The following ZNF280C variants were observed in gnomAD, a reference collection of about 807,000 sequenced individuals.
ZNF280C encodes zinc finger protein 280C.
A neutral mutation model predicts 53.6 loss-of-function variants in ZNF280C; 14 were observed. That is an observed-to-expected ratio of 0.26 (90% CI 0.17 to 0.41). The LOEUF (loss-of-function observed/expected upper bound fraction) is 0.41, where lower values mean the gene tolerates loss of function less well. Ranked by LOEUF, ZNF280C falls within the 10% of genes least tolerant of loss-of-function variation. The pLI, the probability that ZNF280C is intolerant of heterozygous loss-of-function variation, is 1.00. For synonymous variants in ZNF280C, 203 were observed against 181.1 expected, an observed-to-expected ratio of 1.12 and a Z score of -0.97; for missense variants, 416 against 547.1, an observed-to-expected ratio of 0.76 and a Z score of 2.39.
intron 2 of ZNF280C, among the ~76,000 whole-genome samples, chrX:130,254,976 T>G (rs1311051298): frequency 9.3e-6 from 1 of 107,638 alleles, no homozygotes; most frequent in Admixed American, 1.0e-4. Flanking sequence ...AATAAACATC[T>G]TTAGACAGAT....
chrX:130,210,837 T>C (rs757282714), intron 15 of ZNF280C, among the ~76,000 whole-genome samples: 20 of 112,507 alleles, frequency 1.8e-4, no homozygotes, highest in African/African-American at 6.1e-4. Context: ...CCTAGCACAG[T>C]ATTACTCAAA....
chrX:130,255,131 CTTTT>C (rs1165356811), intron 2 of ZNF280C, among the ~76,000 whole-genome samples: 5 of 99,367 alleles, frequency 5.0e-5, no homozygotes, highest in South Asian at 4.5e-4. Context: ...AAATCATTTT[CTTTT>C]TTTTTCTTTT....
At chrX:130,256,835 G>C (rs1042215976) in intron 2 of ZNF280C, among the ~76,000 whole-genome samples, 20 of 108,862 alleles carry the variant, frequency 1.8e-4, no homozygotes, top group Middle Eastern at 4.9e-3. Context: ...GGAGGTAAAG[G>C]TGCAGTGAGT....
chrX:130,220,615 G>T, intron 12 of ZNF280C, 135 bp from the exon 13 acceptor site: 1 of 568,672 alleles, frequency 1.8e-6, no homozygotes, highest in Non-Finnish European at 2.6e-6. Flanking sequence ...AATTCAAAGT[G>T]ATCTATTATT....
At chrX:130,223,585 A>G (rs1441841949) in intron 12 of ZNF280C, among the ~76,000 whole-genome samples, 2 of 112,156 alleles carry the variant, frequency 1.8e-5, no homozygotes, top group African/African-American at 6.5e-5. Flanking sequence ...GTGAAGATTA[A>G]ACAAGATAAT....
At chrX:130,256,824 G>A (rs947510315) in intron 2 of ZNF280C, among the ~76,000 whole-genome samples, 16 of 110,053 alleles carry the variant, frequency 1.5e-4, no homozygotes, top group African/African-American at 3.6e-4. Context: ...GCTGGAACCC[G>A]GGAGGTAAAG....
At chrX:130,262,024 C>T (rs772015280) in intron 1 of ZNF280C, among the ~76,000 whole-genome samples, 2 of 111,518 alleles carry the variant, frequency 1.8e-5, no homozygotes, top group South Asian at 3.7e-4. Flanking sequence ...ATTGGCATAA[C>T]CATCCTAAAA....
chrX:130,260,387 C>T (rs2032618868), intron 2 of ZNF280C, 32 bp downstream of exon 2: 2 of 1,169,967 alleles, frequency 1.7e-6, no homozygotes, highest in East Asian at 3.1e-5. Context: ...AAAACCATGC[C>T]TATTAGTATC....
chrX:130,203,971 T>TA lies in ZNF280C; in HGVS notation c.*1005dup, dbSNP rs2031943338. ...TACCAAAATAAAACAAAATAAAATG[T>TA]AAAAAATGTTTAAAAATGAGAATAT... On this transcript the variant is annotated 3_prime_UTR_variant, in exon 19 of 19. Coordinates refer to ENST00000370978, the MANE Select transcript of ZNF280C (RefSeq NM_017666.5). The TA allele has an allele frequency of 9.1e-6, 1 of 109,877 alleles. No homozygotes were observed. The highest frequency in any genetic ancestry group is 9.8e-5 in the Admixed American group (1 of 10,199). The allele number at this position is 109,877 out of a possible 1,213,427, so 9.1% of individuals were successfully genotyped here.
At chrX:130,250,624 T>C (rs183052487) in intron 2 of ZNF280C, among the ~76,000 whole-genome samples, 64 of 111,600 alleles carry the variant, frequency 5.7e-4, no homozygotes, top group African/African-American at 1.8e-3. Context: ...AGCTCTGAAA[T>C]TGAACCAGTA....
chrX:130,204,510 C>G lies in ZNF280C; in HGVS notation c.*467G>C, dbSNP rs1164114424. On this transcript the variant is annotated 3_prime_UTR_variant, in exon 19 of 19. Transcript: ENST00000370978. The stretch of plus-strand genomic sequence containing the variant: ...AAAAGGGGACACTGTCCAGGAGTAC[C>G]CTGGATATTTTTTGAAACTTATGTG... 1 of 113,955 alleles carries G rather than the reference C, an allele frequency of 8.8e-6. No homozygotes were observed. Among genetic ancestry groups the G allele is most frequent in the Admixed American group, 9.5e-5 (1 of 10,542 alleles). 9.4% of individuals were successfully genotyped at this position (113,955 alleles called of 1,213,427 possible).
chrX:130,208,027 T>C (rs671415), intron 16 of ZNF280C, among the ~76,000 whole-genome samples: 55,873 of 111,040 alleles, frequency 0.5, 10,851 homozygotes, highest in African/African-American at 0.72. Context: ...GTATTATACA[T>C]GATAGGTACA....
chrX:130,230,659 T>C lies in ZNF280C; in HGVS notation c.840A>G (p.Glu280=), dbSNP rs1344918032. Residue 280 remains glutamate, a synonymous_variant, in exon 9 of 19, where the codon GAA becomes GAG. Coordinates refer to ENST00000370978, the MANE Select transcript of ZNF280C (RefSeq NM_017666.5). ...VIVKSERPCD[E]DKTDSETGKL... ...TTCCTGTCTCTGAATCAGTCTTGTC[T>C]TCATCACATGGACGTTCTGATTTAA... 8.3e-7 allele frequency: 1 copy of C among 1,209,601 alleles called. No individual in the cohort carries two copies.
At chrX:130,241,879 T>C (rs946946498) in intron 5 of ZNF280C, among the ~76,000 whole-genome samples, 1 of 111,229 alleles carries the variant, frequency 9.0e-6, no homozygotes, top group African/African-American at 3.3e-5. Flanking sequence ...CTGTGTGTCC[T>C]TGAGTGAATC....
intron 16 of ZNF280C, among the ~76,000 whole-genome samples, chrX:130,207,658 G>A (rs982931039): frequency 2.7e-5 from 3 of 111,481 alleles, no homozygotes; most frequent in African/African-American, 6.5e-5. Context: ...CACCGTGCCC[G>A]GCCAACTTTG....
At chrX:130,262,714 CA>C (rs780094601) in intron 1 of ZNF280C, among the ~76,000 whole-genome samples, 1 of 111,797 alleles carries the variant, frequency 8.9e-6, no homozygotes, top group Admixed American at 9.5e-5. Flanking sequence ...GCTACCGATT[CA>C]GGTGGAGACA....
chrX:130,246,238 G>A (rs1360362937), intron 3 of ZNF280C, among the ~76,000 whole-genome samples: 8 of 112,372 alleles, frequency 7.1e-5, no homozygotes, highest in Admixed American at 5.7e-4. Context: ...TCCAAGTATA[G>A]TGTTGGAAAA....
intron 2 of ZNF280C, among the ~76,000 whole-genome samples, chrX:130,250,226 G>T (rs2032493159): frequency 8.9e-6 from 1 of 111,757 alleles, no homozygotes. Flanking sequence ...ACAACAAAAA[G>T]AACTAGAGAA....
chrX:130,224,276 G>A (rs1281197643), intron 12 of ZNF280C, among the ~76,000 whole-genome samples: 3 of 111,737 alleles, frequency 2.7e-5, no homozygotes, highest in African/African-American at 9.8e-5. Flanking sequence ...CTATGAACAA[G>A]GAAGCAGGTC....
Sources: gnomAD v4.1 joint callset for allele counts (sites outside exome capture counted in the v4.1 genomes callset) on GRCh38, gnomAD v4.1.1 for gene constraint, MANE v1.5 for transcripts, NCBI Gene and HGNC (gene_info 2026-07-23, HGNC 2026-07-21) for gene names.